The following PRKAG2 variants were observed in gnomAD, a reference collection of about 807,000 sequenced individuals.
PRKAG2 encodes the protein protein kinase AMP-activated non-catalytic subunit gamma 2, also known as 5'-AMP-activated protein kinase subunit gamma-2.
Under a neutral mutation model 69.6 loss-of-function variants are expected in PRKAG2, and 26 were observed. That is an observed-to-expected ratio of 0.37 (90% CI 0.27 to 0.52). The LOEUF (loss-of-function observed/expected upper bound fraction) is 0.52. PRKAG2 is among the 20% of genes least tolerant of loss of function. The pLI is 0.90. For synonymous variants in PRKAG2, 293 were observed against 285.0 expected, an observed-to-expected ratio of 1.03 and a Z score of -0.28; for missense variants, 557 against 740.0, an observed-to-expected ratio of 0.75 and a Z score of 2.87.
chr7:151,774,585 T>C (rs1045272212), intron 3 of PRKAG2, among the ~76,000 whole-genome samples: 1 of 152,138 alleles, frequency 6.6e-6, no homozygotes, highest in African/African-American at 2.4e-5. Flanking sequence ...GGCAGATGGA[T>C]CACTTGATGT....
chr7:151,810,783 T>C (rs978887722), intron 1 of PRKAG2: 1 of 153,702 alleles, frequency 6.5e-6, no homozygotes, highest in African/African-American at 2.4e-5. Context: ...TGCCACCACA[T>C]ACCTTGCCCA....
chr7:151,653,218 G>A (rs1429496933), intron 4 of PRKAG2, among the ~76,000 whole-genome samples: 3 of 151,934 alleles, frequency 2.0e-5, no homozygotes, highest in Non-Finnish European at 4.4e-5. Context: ...CATTAGTAGT[G>A]TTTTCAGTGT....
intron 4 of PRKAG2, among the ~76,000 whole-genome samples, chr7:151,642,671 TTAAAGA>T (rs1826931051): frequency 6.6e-6 from 1 of 152,274 alleles, no homozygotes. Flanking sequence ...CATGATTTCT[TTAAAGA>T]TAATTTATTC....
chr7:151,752,433 G>A (rs1309083584), intron 3 of PRKAG2, among the ~76,000 whole-genome samples: 3 of 152,076 alleles, frequency 2.0e-5, no homozygotes, highest in Non-Finnish European at 2.9e-5. Flanking sequence ...GGAGAGGAAC[G>A]GAAAAGATAA....
At position 151,777,506 on chromosome 7, in the gene PRKAG2, A is replaced by G. The variant is rs866177289; in HGVS notation, c.466+3646T>C. On this transcript the variant is annotated intron_variant, in intron 3 of 15. Transcript: ENST00000287878. The surrounding 1 kb of genome is among the most constrained non-coding windows in gnomAD (Gnocchi z 4.3). Reference sequence around the variant, plus strand: ...CTGCTCTCTTAGCTGGGTGCTTTAAAGACTCCAGTACCTCCCCCCTCTCTC... The same window carrying G: ...CTGCTCTCTTAGCTGGGTGCTTTAAGGACTCCAGTACCTCCCCCCTCTCTC... Among the ~76,000 whole-genome samples the G allele has an allele frequency of 6.6e-6, 1 of 152,148 alleles. No homozygotes were observed. The highest frequency in any genetic ancestry group is 1.5e-5 in the Non-Finnish European group (1 of 68,020).
chr7:151,673,255 T>C (rs958085604), intron 4 of PRKAG2, among the ~76,000 whole-genome samples: 1 of 152,184 alleles, frequency 6.6e-6, no homozygotes, highest in Non-Finnish European at 1.5e-5. Flanking sequence ...CTGTCTCTTC[T>C]TAAATGGGGT....
Position 151,556,542 on chromosome 7 carries a change from A to C in PRKAG2, c.*659T>G, listed in dbSNP as rs975554386. On this transcript the variant is annotated 3_prime_UTR_variant, in exon 16 of 16. Transcript: ENST00000287878. Reference sequence around the variant, plus strand: ...TTTCAAAATAACTGAGAGTTTATTCATGGATGTGGTGAAGTTTACTCCACC... The same window carrying C: ...TTTCAAAATAACTGAGAGTTTATTCCTGGATGTGGTGAAGTTTACTCCACC... 6.6e-6 allele frequency: 1 copy of C among 152,636 alleles called. No homozygotes were observed. The highest frequency in any genetic ancestry group is 2.4e-5 in the African/African-American group (1 of 41,472). 9.5% of individuals were successfully genotyped at this position (152,636 alleles called of 1,614,324 possible).
At chr7:151,739,650 C>T (rs986514215) in intron 3 of PRKAG2, among the ~76,000 whole-genome samples, 4 of 151,694 alleles carry the variant, frequency 2.6e-5, no homozygotes, top group African/African-American at 4.8e-5. Flanking sequence ...TTGTATTTTT[C>T]GTAGAGACGG....
Position 151,625,771 on chromosome 7 carries a change from G to A in PRKAG2, c.754+6298C>T, listed in dbSNP as rs543883018. Among the ~76,000 whole-genome samples the A allele has an allele frequency of 5.9e-5, 9 of 152,260 alleles. No individual in the cohort carries two copies. In the East Asian group the frequency reaches 9.6e-4, roughly 16 times the overall value. ...TGGTTAAAAAGAAAGAAAACAAACC[G>A]AAGAAGGAAGGGGAAGGAAGGAGAT... On this transcript the variant is annotated intron_variant, in intron 5 of 15. Coordinates refer to ENST00000287878, the MANE Select transcript of PRKAG2 (RefSeq NM_016203.4).
chr7:151,777,760 TTGAAAGC>T lies in PRKAG2; in HGVS notation c.466+3385_466+3391del, dbSNP rs2076455093. Reference sequence around the variant, plus strand: ...GGAGGAATTTAGTTTATAGTTTAATTTGAAAGCAAGGATGATAATAGTACCTCCCTGA... The same window carrying T: ...GGAGGAATTTAGTTTATAGTTTAATTAAGGATGATAATAGTACCTCCCTGA... On this transcript the variant is annotated intron_variant, in intron 3 of 15. Transcript: ENST00000287878. This position sits in a 1 kb window ranked among gnomAD's most constrained non-coding sequence, Gnocchi z 4.3. Among the ~76,000 whole-genome samples the T allele has an allele frequency of 6.6e-6, 1 of 152,172 alleles. No individual in the cohort carries two copies. The highest frequency in any genetic ancestry group is 1.5e-5 in the Non-Finnish European group (1 of 68,032).
At chr7:151,696,691 G>A (rs1281790002) in intron 3 of PRKAG2, among the ~76,000 whole-genome samples, 1 of 152,234 alleles carries the variant, frequency 6.6e-6, no homozygotes, top group Non-Finnish European at 1.5e-5. Context: ...GCCCCTGTCT[G>A]AAAAGTAGGT....
chr7:151,576,558 T>A (rs1346463303), intron 6 of PRKAG2, 106 bp from the exon 7 acceptor site: 28 of 989,546 alleles, frequency 2.8e-5, no homozygotes, highest in Non-Finnish European at 4.2e-5. Context: ...TGGAGTGCAG[T>A]GGCACCATCT....
At chr7:151,564,523 A>C (rs765038659) in intron 13 of PRKAG2, among the ~76,000 whole-genome samples, 2 of 152,102 alleles carry the variant, frequency 1.3e-5, no homozygotes, top group Non-Finnish European at 2.9e-5. Context: ...TTACCCTCTA[A>C]TGCTCTCTAC....
In PRKAG2 at chr7:151,765,737, C is replaced by T. The variant is rs936953123; in HGVS notation, c.466+15415G>A. 7.2e-5 allele frequency among the ~76,000 whole-genome samples: 11 copies of T among 152,220 alleles called. 1 individual carries two copies. The South Asian group carries it at 1.2e-3, about 17-fold the overall frequency. On this transcript the variant is annotated intron_variant, in intron 3 of 15. Transcript: ENST00000287878. ...CAGGACTTCCACAAACCATTTTTGC[C>T]GGGAACATCATACAACCCTTAACAG...
chr7:151,778,788 A>C (rs1202888645), intron 3 of PRKAG2, among the ~76,000 whole-genome samples: 3 of 152,196 alleles, frequency 2.0e-5, no homozygotes. Flanking sequence ...AGTCTCAAAA[A>C]ATTGGAATAT....
chr7:151,631,562 A>C, intron 5 of PRKAG2: 2 of 386,874 alleles, frequency 5.2e-6, no homozygotes, highest in Admixed American at 5.3e-5. Flanking sequence ...GGGTCGCCTG[A>C]ACTCAACACC....
intron 1 of PRKAG2, among the ~76,000 whole-genome samples, chr7:151,870,804 C>CG (rs993371479): frequency 2.6e-5 from 4 of 152,220 alleles, no homozygotes; most frequent in Non-Finnish European, 4.4e-5. Context: ...GGCCACGCGG[C>CG]GGGGGGAGGC....
chr7:151,636,889 GA>G (rs1334765395), intron 4 of PRKAG2, among the ~76,000 whole-genome samples: 21 of 152,136 alleles, frequency 1.4e-4, no homozygotes, highest in Non-Finnish European at 3.1e-4. Flanking sequence ...ATTTTTAGTA[GA>G]GATGGGGTTT....
intron 6 of PRKAG2, among the ~76,000 whole-genome samples, chr7:151,579,885 C>T (rs770003086): frequency 2.6e-5 from 4 of 151,972 alleles, no homozygotes; most frequent in Non-Finnish European, 5.9e-5. Context: ...CTATGAAAGT[C>T]AGAAGACAAG....
Sources: allele counts gnomAD v4.1 joint callset (sites outside exome capture counted in the v4.1 genomes callset), GRCh38; gene constraint gnomAD v4.1.1; non-coding constraint Gnocchi (gnomAD v3.1); transcripts MANE v1.5; gene names NCBI Gene and HGNC (gene_info 2026-07-23, HGNC 2026-07-21).